The following RPTOR variants were observed in gnomAD, a reference collection of about 807,000 sequenced individuals.
RPTOR encodes regulatory associated protein of MTOR complex 1.
RPTOR carries 21 observed loss-of-function variants against 169.9 expected under a neutral mutation model. The ratio of observed to expected loss-of-function variants is 0.12; its 90% CI spans 0.09 to 0.18. The LOEUF is 0.18. RPTOR is among the 10% of genes least tolerant of loss of function. The pLI, the probability that RPTOR is intolerant of heterozygous loss-of-function variation, is 1.00. For missense variants in RPTOR, 1,133 were observed against 1,855.9 expected, an observed-to-expected ratio of 0.61 and a Z score of 7.16; for synonymous variants, 732 against 753.2, an observed-to-expected ratio of 0.97 and a Z score of 0.46.
At chr17:80,943,491 G>A (rs968200259) in intron 25 of RPTOR, among the ~76,000 whole-genome samples, 6 of 152,144 alleles carry the variant, frequency 3.9e-5, no homozygotes, top group African/African-American at 1.2e-4. Flanking sequence ...TTCCCGCCTC[G>A]CAGATTGGAT....
At chr17:80,854,466 T>A (rs4969282) in intron 11 of RPTOR, among the ~76,000 whole-genome samples, 3 of 152,270 alleles carry the variant, frequency 2.0e-5, no homozygotes, top group South Asian at 4.1e-4. Flanking sequence ...GGGTTCAGCC[T>A]CAGGGTCATT....
chr17:80,877,831 G>A (rs1036642475), intron 13 of RPTOR, among the ~76,000 whole-genome samples: 2 of 152,192 alleles, frequency 1.3e-5, no homozygotes, highest in Non-Finnish European at 2.9e-5. Flanking sequence ...TGAGGCCGGC[G>A]CCTGGCTCCC....
chr17:80,750,555 G>A (rs1053322723), intron 5 of RPTOR, among the ~76,000 whole-genome samples: 1 of 152,186 alleles, frequency 6.6e-6, no homozygotes, highest in Non-Finnish European at 1.5e-5. Context: ...CCCAGCACCA[G>A]GCACACATGG....
chr17:80,673,732 C>T (rs562541648), intron 3 of RPTOR, among the ~76,000 whole-genome samples: 1 of 152,322 alleles, frequency 6.6e-6, no homozygotes, highest in South Asian at 2.1e-4. Context: ...GGTCTTGACC[C>T]CATTTGTTTG....
intron 1 of RPTOR, among the ~76,000 whole-genome samples, chr17:80,615,780 T>C (rs1346540408): frequency 1.3e-5 from 2 of 152,102 alleles, no homozygotes; most frequent in East Asian, 3.9e-4. Context: ...CCCAAGTAAA[T>C]GTTAGCCCTT....
In RPTOR at chr17:80,840,946, CCG is replaced by C. The variant is rs1342496474; in HGVS notation, c.1212+2951_1212+2952del. On this transcript the variant is annotated intron_variant, in intron 10 of 33. Transcript: ENST00000306801. ...CACACGGCAGCTCACTCTCTCTGCACCGCAGCTCACACTCACCGCACGGCAGC... is the reference window on the plus strand; with the variant it reads ...CACACGGCAGCTCACTCTCTCTGCACCAGCTCACACTCACCGCACGGCAGC... 1.5e-4 allele frequency among the ~76,000 whole-genome samples: 13 copies of C among 88,912 alleles called. 3 individuals are homozygous for C. The highest frequency in any genetic ancestry group is 8.8e-4 in the African/African-American group (13 of 14,766). 58.3% of individuals were successfully genotyped at this position (88,912 alleles called of 152,430 possible).
chr17:80,806,719 C>T (rs945359687), intron 7 of RPTOR, among the ~76,000 whole-genome samples: 1 of 152,206 alleles, frequency 6.6e-6, no homozygotes, highest in African/African-American at 2.4e-5. Context: ...CATCATCAGC[C>T]TTGTGCCATA....
intron 24 of RPTOR, among the ~76,000 whole-genome samples, chr17:80,940,254 A>G (rs888629570): frequency 3.3e-5 from 5 of 152,256 alleles, no homozygotes; most frequent in Admixed American, 6.5e-5. Context: ...TTTTAAAAAT[A>G]CGGCATAGCA....
intron 32 of RPTOR, 56 bp from the exon 33 acceptor site, chr17:80,962,872 A>G (rs2069363437): frequency 1.2e-6 from 2 of 1,608,088 alleles, no homozygotes; most frequent in East Asian, 4.5e-5. Context: ...ATCTGCGCCC[A>G]TCTTCCATCC....
intron 21 of RPTOR, among the ~76,000 whole-genome samples, chr17:80,912,104 A>G (rs4969301): frequency 0.55 from 84,227 of 152,176 alleles, 23,692 homozygotes; most frequent in African/African-American, 0.59. Context: ...TTAAGATTTC[A>G]AGGTTGGGTT....
chr17:80,703,976 G>A (rs532312303), intron 3 of RPTOR, among the ~76,000 whole-genome samples: 4 of 152,292 alleles, frequency 2.6e-5, no homozygotes, highest in African/African-American at 7.2e-5. Context: ...TAGCTGATGC[G>A]TTTGGTTTGA....
At chr17:80,952,356 G>A (rs1001991635) in intron 28 of RPTOR, among the ~76,000 whole-genome samples, 3 of 152,226 alleles carry the variant, frequency 2.0e-5, no homozygotes, top group African/African-American at 7.2e-5. Context: ...AGGGCCCACA[G>A]CACATCTGAT....
chr17:80,740,753 G>C (rs1193972141), intron 5 of RPTOR, among the ~76,000 whole-genome samples: 1 of 152,086 alleles, frequency 6.6e-6, no homozygotes, highest in Non-Finnish European at 1.5e-5. Context: ...ACTAAGAATA[G>C]AGAAGAACTT....
chr17:80,823,376 A>G lies in RPTOR; in HGVS notation c.1136+153A>G, dbSNP rs2067403870. 1.2e-6 allele frequency: 1 copy of G among 857,694 alleles called. No homozygotes were observed. The highest frequency in any genetic ancestry group is 1.7e-6 in the Non-Finnish European group (1 of 602,956). 53.1% of individuals were successfully genotyped at this position (857,694 alleles called of 1,614,324 possible). On this transcript the variant is annotated intron_variant, in intron 9 of 33. Coordinates refer to ENST00000306801, the MANE Select transcript of RPTOR (RefSeq NM_020761.3). The surrounding 1 kb of genome is among the most constrained non-coding windows in gnomAD (Gnocchi z 4.5). ...AAGTGAAGCTAAATGCAGGGCTCCC[A>G]GAGATCTCCACACAGAGGAGTGGGG...
chr17:80,961,242 T>G, intron 30 of RPTOR, 152 bp from the exon 31 acceptor site: 1 of 661,990 alleles, frequency 1.5e-6, no homozygotes, highest in Non-Finnish European at 2.5e-6. Context: ...GCTCTGACCC[T>G]GCGTGAGCAC....
At chr17:80,624,166 C>T (rs949140901) in intron 1 of RPTOR, among the ~76,000 whole-genome samples, 1 of 152,156 alleles carries the variant, frequency 6.6e-6, no homozygotes. Context: ...ATTTATGGAA[C>T]ACCAGGTCTT....
At chr17:80,814,010 C>T (rs1382725661) in intron 7 of RPTOR, among the ~76,000 whole-genome samples, 1 of 152,132 alleles carries the variant, frequency 6.6e-6, no homozygotes, top group African/African-American at 2.4e-5. Context: ...TGGCATGTGC[C>T]TGTGGTCCCA....
intron 24 of RPTOR, among the ~76,000 whole-genome samples, chr17:80,929,606 T>C (rs1292005020): frequency 6.6e-6 from 1 of 152,218 alleles, no homozygotes; most frequent in Non-Finnish European, 1.5e-5. Context: ...GGGGATCTTG[T>C]TTTGCCCTGA....
chr17:80,925,932 C>T (rs1483148300), intron 24 of RPTOR, among the ~76,000 whole-genome samples: 2 of 152,238 alleles, frequency 1.3e-5, no homozygotes, highest in African/African-American at 4.8e-5. Flanking sequence ...GTGCTGTGGA[C>T]GCAGTGGCTG....
Sources: allele counts gnomAD v4.1 joint callset (sites outside exome capture counted in the v4.1 genomes callset), GRCh38; gene constraint gnomAD v4.1.1; non-coding constraint Gnocchi (gnomAD v3.1); transcripts MANE v1.5; gene names NCBI Gene and HGNC (gene_info 2026-07-23, HGNC 2026-07-21).